The following NR3C2 variants were observed in gnomAD, a reference collection of about 807,000 sequenced individuals.
NR3C2 encodes the protein nuclear receptor subfamily 3 group C member 2.
A neutral mutation model predicts 86.4 loss-of-function variants in NR3C2; 15 were observed. That is an observed-to-expected ratio of 0.17 (90% CI 0.12 to 0.27). The LOEUF is 0.27. NR3C2 is among the 10% of genes least tolerant of loss of function. NR3C2 has a pLI of 1.00. For synonymous variants in NR3C2, 458 were observed against 450.5 expected (o/e 1.02, Z -0.21); for missense variants, 960 against 1,195.6 (o/e 0.80, Z 2.91).
chr4:148,371,397 CTGTCT>C (rs1746414576), intron 2 of NR3C2, among the ~76,000 whole-genome samples: 1 of 152,046 alleles, frequency 6.6e-6, no homozygotes, highest in South Asian at 2.1e-4. Flanking sequence ...TTCTCCAGTC[CTGTCT>C]GCAGAATGAG....
chr4:148,218,152 G>A (rs904827354), intron 3 of NR3C2, among the ~76,000 whole-genome samples: 6 of 152,182 alleles, frequency 3.9e-5, no homozygotes, highest in Admixed American at 2.6e-4. Flanking sequence ...TTAAGGCTGT[G>A]AATTTGCTAT....
At chr4:148,083,953 C>CAAGAA (rs371499556) in intron 8 of NR3C2, among the ~76,000 whole-genome samples, 15 of 151,640 alleles carry the variant, frequency 9.9e-5, no homozygotes, top group African/African-American at 2.7e-4. Context: ...AGGAATAAAG[C>CAAGAA]AAGAAAAGAA....
At chr4:148,293,023 A>G (rs1741870471) in intron 2 of NR3C2, among the ~76,000 whole-genome samples, 1 of 152,190 alleles carries the variant, frequency 6.6e-6, no homozygotes, top group Non-Finnish European at 1.5e-5. Context: ...GAAAAAATGC[A>G]TGATACGAAA....
In NR3C2 at chr4:148,386,766, C is replaced by T. The variant is rs372549359; in HGVS notation, c.1757+48338G>A. ...CTGTGGTCAATTTCAAGAGAAAGGACCACAGAATGTTAACTTCTTTCTACC... is the reference window on the plus strand; with the variant it reads ...CTGTGGTCAATTTCAAGAGAAAGGATCACAGAATGTTAACTTCTTTCTACC... On this transcript the variant is annotated intron_variant, in intron 2 of 8. Transcript: ENST00000358102. Among the ~76,000 whole-genome samples the T allele has an allele frequency of 4.6e-5, 7 of 152,290 alleles. No individual in the cohort carries two copies. In the East Asian group the frequency reaches 1.3e-3, roughly 29 times the overall value.
At chr4:148,203,025 T>G (rs1736807649) in intron 3 of NR3C2, among the ~76,000 whole-genome samples, 1 of 152,242 alleles carries the variant, frequency 6.6e-6, no homozygotes, top group Admixed American at 6.5e-5. Flanking sequence ...CCCTATGTTA[T>G]GTGAAATGTT....
intron 6 of NR3C2, among the ~76,000 whole-genome samples, chr4:148,131,523 T>C (rs890785236): frequency 6.6e-6 from 1 of 152,220 alleles, no homozygotes; most frequent in Non-Finnish European, 1.5e-5. Context: ...CATAGTCTTA[T>C]TAATTTTTCC....
chr4:148,205,622 G>A (rs974266723), intron 3 of NR3C2, among the ~76,000 whole-genome samples: 8 of 152,240 alleles, frequency 5.3e-5, no homozygotes, highest in African/African-American at 1.9e-4. Context: ...GCACTGGGAA[G>A]AGAGATGAAT....
chr4:148,298,045 A>G (rs1742150179), intron 2 of NR3C2, among the ~76,000 whole-genome samples: 1 of 152,212 alleles, frequency 6.6e-6, no homozygotes, highest in Non-Finnish European at 1.5e-5. Flanking sequence ...TTCTTCTTCT[A>G]AGACTAAACA....
At chr4:148,211,367 T>C (rs1215248735) in intron 3 of NR3C2, among the ~76,000 whole-genome samples, 1 of 152,202 alleles carries the variant, frequency 6.6e-6, no homozygotes, top group African/African-American at 2.4e-5. Context: ...CACACGAGAA[T>C]CTTTAAAAAG....
rs1283906396 is a variant in NR3C2 at position 148,436,004 on chromosome 4, G to C, written c.857C>G (p.Ser286Cys). The C allele has an allele frequency of 6.2e-7, 1 of 1,614,210 alleles. No homozygotes were observed. ...PSHCSVKSPV[S>C]SPNNVTLRSS... ...TCTCAGAGTGACATTATTGGGACTG[G>C]AGACTGGAGATTTTACACTGCAGTG... is the stretch of plus-strand genomic sequence containing the variant. Residue 286 changes from serine (S) to cysteine (C), a missense_variant, in exon 2 of 9, where the codon TCC (serine) becomes TGC (cysteine). By Grantham distance (112) the Ser-to-Cys change is moderately radical. This residue lies in a region of NR3C2 where 680 missense variants were observed against 719.0 expected (regional missense o/e 0.95). Coordinates refer to ENST00000358102, the MANE Select transcript of NR3C2 (RefSeq NM_000901.5).
intron 7 of NR3C2, 83 bp downstream of exon 7, chr4:148,120,075 C>G: frequency 3.2e-6 from 5 of 1,574,106 alleles, no homozygotes; most frequent in East Asian, 2.2e-5. Flanking sequence ...TACCAACTAC[C>G]TGAATACAAT....
At chr4:148,268,832 A>C (rs926448419) in intron 2 of NR3C2, among the ~76,000 whole-genome samples, 13 of 152,218 alleles carry the variant, frequency 8.5e-5, no homozygotes, top group African/African-American at 2.7e-4. Context: ...CGTGGCATGG[A>C]AAATGAAGAA....
chr4:148,120,891 G>C (rs1391273953), intron 6 of NR3C2, among the ~76,000 whole-genome samples: 2 of 152,112 alleles, frequency 1.3e-5, no homozygotes, highest in Non-Finnish European at 2.9e-5. Context: ...AGGGAGTTTG[G>C]CACAACATAT....
chr4:148,084,423 A>G (rs972668922), intron 8 of NR3C2, among the ~76,000 whole-genome samples: 2 of 152,366 alleles, frequency 1.3e-5, no homozygotes, highest in East Asian at 3.9e-4. Context: ...ACTAAGCTTC[A>G]TAAGTGAAGG....
intron 2 of NR3C2, among the ~76,000 whole-genome samples, chr4:148,379,065 A>G (rs933868077): frequency 2.0e-5 from 3 of 152,222 alleles, no homozygotes; most frequent in Admixed American, 1.3e-4. Context: ...TGATACATGA[A>G]GATTAAAAAC....
rs540303130 is a variant in NR3C2, at chr4:148,325,455, T to C, written c.1758-65338A>G. Among the ~76,000 whole-genome samples, 3 of 152,346 alleles carry C rather than the reference T, an allele frequency of 2.0e-5. No individual in the cohort carries two copies. The East Asian group carries it at 5.8e-4, about 29-fold the overall frequency. ...TGTCCCTGTTGTTTGCCTCAACATC[T>C]AGGTAAGTTGTAGGTCAGTGAGAAA... On this transcript the variant is annotated intron_variant, in intron 2 of 8. Coordinates refer to ENST00000358102, the MANE Select transcript of NR3C2 (RefSeq NM_000901.5).
intron 2 of NR3C2, among the ~76,000 whole-genome samples, chr4:148,275,869 G>A (rs781641826): frequency 5.3e-5 from 8 of 152,042 alleles, no homozygotes; most frequent in Non-Finnish European, 8.8e-5. Flanking sequence ...AAGAAATTTC[G>A]AATTCAATTC....
intron 2 of NR3C2, among the ~76,000 whole-genome samples, chr4:148,388,304 T>C (rs1258532799): frequency 6.6e-6 from 1 of 152,232 alleles, no homozygotes; most frequent in Admixed American, 6.5e-5. Context: ...TTTTGGAATA[T>C]TTGCATCATA....
intron 8 of NR3C2, among the ~76,000 whole-genome samples, chr4:148,106,240 T>A (rs879566441): frequency 1.3e-5 from 2 of 152,172 alleles, no homozygotes; most frequent in South Asian, 2.1e-4. Context: ...AAGAGCCAAA[T>A]CATGAATGAA....
Sources: gnomAD v4.1 joint callset for allele counts (sites outside exome capture counted in the v4.1 genomes callset) on GRCh38, gnomAD v4.1.1 for gene constraint, gnomAD v4.1.1 regional missense constraint, MANE v1.5 for transcripts, NCBI Gene and HGNC (gene_info 2026-07-23, HGNC 2026-07-21) for gene names.